PPP1R13B: variants seen among roughly 807,000 people sequenced by gnomAD.
PPP1R13B encodes the protein apoptosis-stimulating of p53 protein 1.
A neutral mutation model predicts 119.8 loss-of-function variants in PPP1R13B; 44 were observed. The observed-to-expected ratio is 0.37, with a 90% CI of 0.29 to 0.47. PPP1R13B has a LOEUF of 0.47. Among genes scored for constraint, PPP1R13B ranks in the 20% least tolerant of loss-of-function variants. The pLI, the probability that PPP1R13B is intolerant of heterozygous loss-of-function variation, is 0.99. For missense variants in PPP1R13B, 1,227 were observed against 1,413.5 expected (o/e 0.87, Z 2.12); for synonymous variants, 542 against 561.5 (o/e 0.97, Z 0.49).
At chr14:103,839,248 G>C (rs978308485) in intron 1 of PPP1R13B, among the ~76,000 whole-genome samples, 3 of 151,898 alleles carry the variant, frequency 2.0e-5, no homozygotes, top group Admixed American at 1.3e-4. Flanking sequence ...TCCTAACCTT[G>C]TGATCTGCCC....
At chr14:103,804,124 A>G in intron 1 of PPP1R13B, 1 of 854,592 alleles carries the variant, frequency 1.2e-6, no homozygotes, top group African/African-American at 1.8e-5. Flanking sequence ...GGAAAATATC[A>G]TACTAGACCA....
intron 1 of PPP1R13B, among the ~76,000 whole-genome samples, chr14:103,799,028 C>A (rs1209730250): frequency 6.6e-6 from 1 of 151,568 alleles, no homozygotes; most frequent in Non-Finnish European, 1.5e-5. Flanking sequence ...GAGACAGAGT[C>A]CCACTCTGTC....
chr14:103,746,308 C>G, intron 9 of PPP1R13B, 65 bp downstream of exon 9: 1 of 228,618 alleles, frequency 4.4e-6, no homozygotes, highest in Admixed American at 4.4e-5. Context: ...CCCCCCGCCC[C>G]TCCACCGCAG....
chr14:103,793,409 C>T (rs899743558), intron 2 of PPP1R13B, among the ~76,000 whole-genome samples: 1 of 152,046 alleles, frequency 6.6e-6, no homozygotes, highest in Non-Finnish European at 1.5e-5. Flanking sequence ...AGGGGCTCTT[C>T]CCCCTTCACT....
intron 1 of PPP1R13B, among the ~76,000 whole-genome samples, chr14:103,843,367 C>T (rs1567166719): frequency 6.6e-6 from 1 of 151,558 alleles, no homozygotes; most frequent in South Asian, 2.1e-4. Flanking sequence ...GAGCGAGACT[C>T]TGTCTCAAAA....
In PPP1R13B at chr14:103,831,676, C is replaced by T. The variant is rs995543843; in HGVS notation, c.9+15623G>A. On this transcript the variant is annotated intron_variant, in intron 1 of 16. Transcript: ENST00000202556. ...TGTGGCCGGGCGCAGTGGCTCACGC[C>T]TATAATCCCAGCACTTTGGGAGGCC... Among the ~76,000 whole-genome samples, 7 of 151,100 alleles carry T rather than the reference C, an allele frequency of 4.6e-5. No individual in the cohort carries two copies. The East Asian group carries it at 6.0e-4, about 13-fold the overall frequency.
At chr14:103,736,655 C>A (rs1015448859) in intron 15 of PPP1R13B, 1 of 163,386 alleles carries the variant, frequency 6.1e-6, no homozygotes, top group African/African-American at 2.4e-5. Context: ...GCTTCTGAGA[C>A]CCAGTTGTGG....
intron 1 of PPP1R13B, among the ~76,000 whole-genome samples, chr14:103,838,216 AC>A (rs2086822583): frequency 1.6e-5 from 2 of 128,890 alleles, no homozygotes; most frequent in Non-Finnish European, 3.9e-5. Flanking sequence ...TATGGCACAC[AC>A]ACACACACAC....
At chr14:103,770,209 T>C (rs2085034481) in intron 4 of PPP1R13B, among the ~76,000 whole-genome samples, 1 of 152,086 alleles carries the variant, frequency 6.6e-6, no homozygotes, top group Non-Finnish European at 1.5e-5. Context: ...GAATAAATTT[T>C]AATCATAAGA....
chr14:103,787,952 C>CTT (rs879899631), intron 2 of PPP1R13B, among the ~76,000 whole-genome samples: 1 of 150,406 alleles, frequency 6.6e-6, no homozygotes, highest in African/African-American at 2.4e-5. Flanking sequence ...GCCCAGCCTC[C>CTT]TTTTTTTTTA....
At chr14:103,830,137 C>T (rs565104211) in intron 1 of PPP1R13B, among the ~76,000 whole-genome samples, 1 of 151,098 alleles carries the variant, frequency 6.6e-6, no homozygotes, top group Non-Finnish European at 1.5e-5. Context: ...CTCTTGTCAC[C>T]CAGGCTGGAG....
At chr14:103,774,642 A>G (rs887548717) in intron 4 of PPP1R13B, among the ~76,000 whole-genome samples, 2 of 151,864 alleles carry the variant, frequency 1.3e-5, no homozygotes, top group African/African-American at 4.8e-5. Context: ...TTCTCTTCCA[A>G]CCCACACTCC....
chr14:103,781,594 T>C (rs191898047), intron 3 of PPP1R13B, among the ~76,000 whole-genome samples: 5 of 152,194 alleles, frequency 3.3e-5, no homozygotes, highest in African/African-American at 1.2e-4. Context: ...TTTTAAATAT[T>C]AGAAGTAATC....
intron 2 of PPP1R13B, among the ~76,000 whole-genome samples, chr14:103,791,326 A>G (rs371073591): frequency 5.1e-4 from 78 of 152,292 alleles, no homozygotes; most frequent in African/African-American, 1.9e-3. Context: ...GCAAAAACAG[A>G]AACGGTCTCA....
chr14:103,822,071 C>A (rs924829255), intron 1 of PPP1R13B, among the ~76,000 whole-genome samples: 5 of 152,226 alleles, frequency 3.3e-5, no homozygotes, highest in African/African-American at 1.2e-4. Context: ...CAATACAAAT[C>A]ATGCCTATGA....
intron 4 of PPP1R13B, among the ~76,000 whole-genome samples, chr14:103,764,842 T>C (rs1267348488): frequency 6.6e-6 from 1 of 152,218 alleles, no homozygotes; most frequent in Non-Finnish European, 1.5e-5. Flanking sequence ...TTGTTTGAGA[T>C]GGAGTCTCGC....
At chr14:103,825,438 G>A (rs2086515684) in intron 1 of PPP1R13B, among the ~76,000 whole-genome samples, 1 of 152,164 alleles carries the variant, frequency 6.6e-6, no homozygotes, top group African/African-American at 2.4e-5. Flanking sequence ...GCCAAGTTGT[G>A]AATGCAAAGG....
chr14:103,735,478 G>GATTC (rs2084081695), intron 16 of PPP1R13B, among the ~76,000 whole-genome samples: 1 of 152,214 alleles, frequency 6.6e-6, no homozygotes. Context: ...CTGGGCAAGG[G>GATTC]TCTCTGCCTG....
intron 2 of PPP1R13B, 107 bp downstream of exon 2, chr14:103,797,264 T>C (rs577887824): frequency 8.5e-7 from 1 of 1,180,398 alleles, no homozygotes; most frequent in African/African-American, 1.5e-5. Flanking sequence ...TTAGTTACTT[T>C]TTTTCCCCAT....
Sources: gnomAD v4.1 joint callset for allele counts (sites outside exome capture counted in the v4.1 genomes callset) on GRCh38, gnomAD v4.1.1 for gene constraint, MANE v1.5 for transcripts, NCBI Gene and HGNC (gene_info 2026-07-23, HGNC 2026-07-21) for gene names.